SLC22A9: variants seen among roughly 807,000 people sequenced by gnomAD.
The protein encoded by SLC22A9 is solute carrier family 22 member 9.
Under a neutral mutation model 50.1 loss-of-function variants are expected in SLC22A9, and 64 were observed. That is an observed-to-expected ratio of 1.28 (90% CI 1.04 to 1.57). SLC22A9 has a LOEUF of 1.57. Among genes scored for constraint, SLC22A9 ranks in the 40% most tolerant of loss-of-function variants. SLC22A9 has a pLI of 0.00. For synonymous variants in SLC22A9, 261 were observed against 242.5 expected, an observed-to-expected ratio of 1.08 and a Z score of -0.71; for missense variants, 757 against 676.1, an observed-to-expected ratio of 1.12 and a Z score of -1.33.
In SLC22A9 at chr11:63,406,820, T is replaced by G. The variant is rs972924282; in HGVS notation, c.1288+109T>G. 1.1e-5 allele frequency: 14 copies of G among 1,236,778 alleles called. No individual in the cohort carries two copies. In the Admixed American group the frequency reaches 3.1e-4, roughly 28 times the overall value. 76.6% of individuals were successfully genotyped at this position (1,236,778 alleles called of 1,614,324 possible). ...AGAAGGAAAGGGAGAATTGGGTTCT[T>G]AGGATTTCCTGACACCAATCTGGGG... On this transcript the variant is annotated intron_variant, in intron 7 of 9. Transcript: ENST00000279178.
chr11:63,379,974 C>T (rs1164491471), intron 5 of SLC22A9, among the ~76,000 whole-genome samples: 1 of 152,108 alleles, frequency 6.6e-6, no homozygotes, highest in Middle Eastern at 3.2e-3. Flanking sequence ...TCAAGTGATC[C>T]ACCTGCCTTG....
In SLC22A9 at chr11:63,408,809, T is replaced by A; in HGVS notation, c.1531T>A (p.Phe511Ile). 6.2e-7 allele frequency: 1 copy of A among 1,614,000 alleles called. No individual in the cohort carries two copies. Among genetic ancestry groups the A allele is most frequent in the African/African-American group, 1.3e-5 (1 of 75,046 alleles). ...IYGVFPFISG[F>I]AFLLLPETRN... ...TGGAGTCTTCCCCTTCATCTCTGGC[T>A]TTGCTTTCCTCCTCCTTCCTGAAAC... Residue 511 changes from phenylalanine (F) to isoleucine (I), a missense_variant, in exon 9 of 10, where the codon TTT becomes ATT. Physicochemically the swap from Phe to Ile is conservative, Grantham distance 21 (BLOSUM62 0). Transcript: ENST00000279178.
intron 6 of SLC22A9, among the ~76,000 whole-genome samples, chr11:63,389,578 T>C (rs2014727671): frequency 6.6e-6 from 1 of 152,216 alleles, no homozygotes; most frequent in Admixed American, 6.5e-5. Flanking sequence ...ATCCAGTCTA[T>C]CACTGATGGG....
intron 6 of SLC22A9, among the ~76,000 whole-genome samples, chr11:63,390,008 C>T (rs1340216740): frequency 2.0e-5 from 3 of 152,120 alleles, no homozygotes; most frequent in Non-Finnish European, 4.4e-5. Flanking sequence ...ATATCCTTTG[C>T]CCACTTTTTG....
chr11:63,379,230 T>C (rs1050488425), intron 5 of SLC22A9, among the ~76,000 whole-genome samples: 40 of 151,992 alleles, frequency 2.6e-4, no homozygotes, highest in Non-Finnish European at 1.5e-5. Flanking sequence ...TCTACAACCA[T>C]CTGTTCATCA....
chr11:63,396,978 A>G (rs2014870143), intron 6 of SLC22A9, among the ~76,000 whole-genome samples: 1 of 152,170 alleles, frequency 6.6e-6, no homozygotes, highest in Non-Finnish European at 1.5e-5. Flanking sequence ...TGTAGTCTTC[A>G]CAGTCTGAGT....
chr11:63,380,622 G>A (rs188402962), intron 5 of SLC22A9, among the ~76,000 whole-genome samples: 1 of 152,272 alleles, frequency 6.6e-6, no homozygotes, highest in East Asian at 1.9e-4. Flanking sequence ...ATATATAGGA[G>A]CTAAACATTG....
In SLC22A9 at chr11:63,370,396, G is replaced by C. The variant is rs368847154; in HGVS notation, c.340G>C (p.Glu114Gln). 1.2e-5 allele frequency: 20 copies of C among 1,613,184 alleles called. No homozygotes were observed. The African/African-American group carries it at 1.9e-4, about 15-fold the overall frequency. Residue 114 changes from glutamate (E) to glutamine (Q), a missense_variant, in exon 1 of 10, where the codon GAG becomes CAG. Transcript: ENST00000279178. ...TFPNTSDADM[E>Q]PCVDGWVYDR... Reference sequence around the variant, plus strand: ...CCCCAACACAAGTGACGCAGACATGGAGCCCTGTGTGGATGGCTGGGTGTA... The same window carrying C: ...CCCCAACACAAGTGACGCAGACATGCAGCCCTGTGTGGATGGCTGGGTGTA...
chr11:63,371,291 G>T, intron 2 of SLC22A9, 53 bp downstream of exon 2: 2 of 1,350,726 alleles, frequency 1.5e-6, no homozygotes, highest in Non-Finnish European at 2.1e-6. Flanking sequence ...ATCAACTTAT[G>T]AAACATTATT....
intron 6 of SLC22A9, among the ~76,000 whole-genome samples, chr11:63,397,667 C>T (rs1318090488): frequency 3.3e-5 from 5 of 152,078 alleles, no homozygotes; most frequent in South Asian, 2.1e-4. Context: ...CACCACCCCA[C>T]GTTTATGGTA....
At chr11:63,393,197 T>C (rs684396) in intron 6 of SLC22A9, among the ~76,000 whole-genome samples, 17,351 of 152,112 alleles carry the variant, frequency 0.11, 2,490 homozygotes, top group African/African-American at 0.34. Flanking sequence ...TGTAGGGGTC[T>C]TTTGTCTCCT....
At chr11:63,395,016 T>C (rs546469450) in intron 6 of SLC22A9, among the ~76,000 whole-genome samples, 1 of 152,084 alleles carries the variant, frequency 6.6e-6, no homozygotes, top group African/African-American at 2.4e-5. Flanking sequence ...TTTCTTCTGC[T>C]TGTTCAATTC....
chr11:63,379,702 A>G (rs1479542452), intron 5 of SLC22A9, among the ~76,000 whole-genome samples: 2 of 152,190 alleles, frequency 1.3e-5, no homozygotes, highest in East Asian at 3.8e-4. Flanking sequence ...AAAAATGGCC[A>G]AAGCACATGA....
rs1022650469 is a variant in SLC22A9, at chr11:63,370,513, A to T, written c.402+55A>T. 2.3e-5 allele frequency: 35 copies of T among 1,505,636 alleles called. No individual in the cohort carries two copies. In the African/African-American group the frequency reaches 4.5e-4, roughly 19 times the overall value. The allele number at this position is 1,505,636 out of a possible 1,614,324, so 93.3% of individuals were successfully genotyped here. On this transcript the variant is annotated intron_variant, in intron 1 of 9. Coordinates refer to ENST00000279178, the MANE Select transcript of SLC22A9 (RefSeq NM_080866.3). The stretch of plus-strand genomic sequence containing the variant: ...ATGTGACCTGGGTGTTTAGAATAAC[A>T]CAAGTAATAATCATGCTTCCAGCCT...
At chr11:63,407,565 CT>C (rs1360790171) in intron 7 of SLC22A9, among the ~76,000 whole-genome samples, 3 of 152,128 alleles carry the variant, frequency 2.0e-5, no homozygotes, top group Admixed American at 6.5e-5. Flanking sequence ...CAAAGTCTGA[CT>C]TTTTTTCCTC....
At chr11:63,401,043 C>A (rs1235616991) in intron 6 of SLC22A9, among the ~76,000 whole-genome samples, 1 of 151,944 alleles carries the variant, frequency 6.6e-6, no homozygotes, top group African/African-American at 2.4e-5. Context: ...ACAGCTAACA[C>A]CATAGAGAAT....
At chr11:63,385,110 T>TG (rs1555014152) in intron 6 of SLC22A9, among the ~76,000 whole-genome samples, 35 of 138,602 alleles carry the variant, frequency 2.5e-4, no homozygotes, top group African/African-American at 8.4e-4. Flanking sequence ...GATACAGTTT[T>TG]TTTTTTTTTT....
chr11:63,373,586 C>A, intron 2 of SLC22A9, 58 bp from the exon 3 acceptor site: 1 of 1,449,458 alleles, frequency 6.9e-7, no homozygotes, highest in Non-Finnish European at 9.1e-7. Context: ...CTTCTCTTTG[C>A]TAAGTTTTTC....
rs151266990 is a variant in SLC22A9 at position 63,406,404 on chromosome 11, C to A, written c.1074-93C>A. ...AATAGACCCAGCCTTTATACTTTAACAATCCCTAGCTGCCTGGGCCAATAT... is the reference window on the plus strand; with the variant it reads ...AATAGACCCAGCCTTTATACTTTAAAAATCCCTAGCTGCCTGGGCCAATAT... On this transcript the variant is annotated intron_variant, in intron 6 of 9. Coordinates refer to ENST00000279178, the MANE Select transcript of SLC22A9 (RefSeq NM_080866.3). The A allele has an allele frequency of 6.8e-4, 770 of 1,124,964 alleles. 8 individuals carry two copies. In the African/African-American group the frequency reaches 0.011, roughly 16 times the overall value. The allele number at this position is 1,124,964 out of a possible 1,614,324, so 69.7% of individuals were successfully genotyped here. A position where few individuals can be genotyped will look rare whatever the true frequency, so the allele number is the denominator to read the frequency against.
Sources: allele counts gnomAD v4.1 joint callset (sites outside exome capture counted in the v4.1 genomes callset), GRCh38; gene constraint gnomAD v4.1.1; transcripts MANE v1.5; gene names NCBI Gene and HGNC (gene_info 2026-07-23, HGNC 2026-07-21).